PDE4D: variants seen among roughly 807,000 people sequenced by gnomAD.
The protein encoded by PDE4D is phosphodiesterase 4D, also known as 3',5'-cyclic-AMP phosphodiesterase 4D.
In PDE4D, 24 loss-of-function variants were observed where a neutral mutation model predicts 87.4. The ratio of observed to expected loss-of-function variants is 0.27; its 90% confidence interval spans 0.20 to 0.39. The LOEUF (loss-of-function observed/expected upper bound fraction) is 0.39. Ranked by LOEUF, PDE4D falls within the 10% of genes least tolerant of loss-of-function variation. PDE4D has a pLI of 1.00. For synonymous variants in PDE4D, 384 were observed against 383.2 expected (o/e 1.00, Z -0.02); for missense variants, 714 against 1,041.0 (o/e 0.69, Z 4.32).
At chr5:59,752,651 A>C (rs539167738) in intron 1 of PDE4D, among the ~76,000 whole-genome samples, 1 of 152,208 alleles carries the variant, frequency 6.6e-6, no homozygotes, top group Admixed American at 6.5e-5. Context: ...TTTTCACCTC[A>C]TGGTGGAAAT....
At chr5:60,341,628 C>T (rs1758326801) in intron 1 of PDE4D, among the ~76,000 whole-genome samples, 1 of 151,710 alleles carries the variant, frequency 6.6e-6, no homozygotes, top group Non-Finnish European at 1.5e-5. Context: ...ATACTTACTA[C>T]CTTGTTAATA....
intron 1 of PDE4D, among the ~76,000 whole-genome samples, chr5:59,640,374 T>A (rs1240532188): frequency 1.3e-5 from 2 of 152,228 alleles, no homozygotes; most frequent in African/African-American, 2.4e-5. Flanking sequence ...ATTAAGTCAA[T>A]CAATCAATAA....
intron 1 of PDE4D, among the ~76,000 whole-genome samples, chr5:59,669,919 AC>A (rs1430961733): frequency 2.6e-5 from 4 of 152,054 alleles, no homozygotes; most frequent in African/African-American, 9.7e-5. Context: ...ATTTCATTTA[AC>A]CCCTTAATTG....
intron 1 of PDE4D, among the ~76,000 whole-genome samples, chr5:59,742,017 G>C (rs1324772057): frequency 1.3e-5 from 2 of 152,066 alleles, no homozygotes; most frequent in African/African-American, 4.8e-5. Flanking sequence ...TACTGTTGTT[G>C]TTACTGATAT....
intron 1 of PDE4D, among the ~76,000 whole-genome samples, chr5:60,361,571 G>A (rs1266091752): frequency 6.6e-6 from 1 of 152,188 alleles, no homozygotes; most frequent in East Asian, 1.9e-4. Context: ...GCCCTCCCTT[G>A]TGGATGGTTT....
At chr5:59,557,788 A>G (rs1262869060) in intron 1 of PDE4D, among the ~76,000 whole-genome samples, 1 of 152,222 alleles carries the variant, frequency 6.6e-6, no homozygotes, top group African/African-American at 2.4e-5. Flanking sequence ...ATGAATCAGC[A>G]TTCCTATATT....
At chr5:59,987,300 T>C (rs1203116727) in intron 3 of PDE4D, 1 of 152,236 alleles carries the variant, frequency 6.6e-6, no homozygotes, top group Non-Finnish European at 1.5e-5. Context: ...TCTGCTTTAG[T>C]ATGAGTCTGA....
intron 3 of PDE4D, among the ~76,000 whole-genome samples, chr5:59,980,210 C>T (rs549077719): frequency 3.4e-4 from 51 of 152,232 alleles, no homozygotes; most frequent in Admixed American, 1.3e-3. Flanking sequence ...CAGTGATTCA[C>T]AGTTCTGCAT....
At chr5:60,011,414 T>C (rs1285896708) in intron 2 of PDE4D, among the ~76,000 whole-genome samples, 2 of 152,076 alleles carry the variant, frequency 1.3e-5, no homozygotes, top group Admixed American at 6.6e-5. Context: ...GAACAAATAA[T>C]ACTTGGCAAA....
At chr5:59,281,719 TCTC>T (rs369535553) in intron 1 of PDE4D, among the ~76,000 whole-genome samples, 30 of 152,194 alleles carry the variant, frequency 2.0e-4, no homozygotes, top group African/African-American at 7.0e-4. Context: ...AACTTCCTAT[TCTC>T]CTCTTCTCCC....
intron 1 of PDE4D, among the ~76,000 whole-genome samples, chr5:59,703,333 T>C (rs1323615032): frequency 6.6e-6 from 1 of 152,024 alleles, no homozygotes; most frequent in Non-Finnish European, 1.5e-5. Context: ...AAGAAACAGG[T>C]CTTATTTTTA....
intron 5 of PDE4D, among the ~76,000 whole-genome samples, chr5:59,053,647 TTTTTTTTGTTGTTG>T (rs1561396126): frequency 9.3e-6 from 1 of 107,346 alleles, no homozygotes; most frequent in Non-Finnish European, 1.9e-5. Context: ...TGTTTTTTGT[TTTTTTTTGTTGTTG>T]TTTTTTTTTT....
Position 59,162,853 on chromosome 5 carries a change from C to CAA in PDE4D, c.808+17740_808+17741dup, listed in dbSNP as rs368976708. Reference sequence around the variant, plus strand: ...CTGAGCAAAAAGTGAGACCCTGCATCAAAAAAAAAAAAAATTGTAATTAAA... The same window carrying CAA: ...CTGAGCAAAAAGTGAGACCCTGCATCAAAAAAAAAAAAAAAATTGTAATTAAA... On this transcript the variant is annotated intron_variant, in intron 5 of 14. Transcript: ENST00000340635. Among the ~76,000 whole-genome samples the CAA allele has an allele frequency of 2.2e-4, 27 of 121,590 alleles. 2 individuals carry two copies. The highest frequency in any genetic ancestry group is 7.9e-4 in the African/African-American group (25 of 31,544). The allele number at this position is 121,590 out of a possible 152,430, so 79.8% of individuals were successfully genotyped here.
intron 1 of PDE4D, among the ~76,000 whole-genome samples, chr5:59,279,175 T>C (rs1765364540): frequency 6.6e-6 from 1 of 152,146 alleles, no homozygotes; most frequent in Non-Finnish European, 1.5e-5. Flanking sequence ...ATATTATATA[T>C]CAACTAAATA....
intron 6 of PDE4D, among the ~76,000 whole-genome samples, chr5:59,029,980 C>A (rs1308732410): frequency 6.6e-6 from 1 of 152,038 alleles, no homozygotes; most frequent in Non-Finnish European, 1.5e-5. Context: ...TGGATGTCCA[C>A]CTGCAGAAGA....
chr5:59,575,331 AG>A (rs1258629482), intron 1 of PDE4D, among the ~76,000 whole-genome samples: 1 of 152,226 alleles, frequency 6.6e-6, no homozygotes. Flanking sequence ...GGCATAATCA[AG>A]CATCAGAGCC....
At chr5:59,245,776 A>G (rs922505428) in intron 1 of PDE4D, among the ~76,000 whole-genome samples, 14 of 152,048 alleles carry the variant, frequency 9.2e-5, no homozygotes, top group African/African-American at 3.4e-4. Flanking sequence ...AAATGTAGAC[A>G]ATATTATACC....
chr5:58,994,939 A>G (rs931865648), intron 6 of PDE4D, among the ~76,000 whole-genome samples: 2 of 118,980 alleles, frequency 1.7e-5, no homozygotes, highest in Non-Finnish European at 3.3e-5. Flanking sequence ...ACAAGCCCCA[A>G]TGTGTGATGT....
intron 1 of PDE4D, among the ~76,000 whole-genome samples, chr5:59,648,605 A>G (rs1351908985): frequency 6.6e-6 from 1 of 152,180 alleles, no homozygotes; most frequent in Non-Finnish European, 1.5e-5. Context: ...ACTGACAGCA[A>G]GCTTCTTGTG....
Sources: allele counts gnomAD v4.1 joint callset (sites outside exome capture counted in the v4.1 genomes callset), GRCh38; gene constraint gnomAD v4.1.1; transcripts MANE v1.5; gene names NCBI Gene and HGNC (gene_info 2026-07-23, HGNC 2026-07-21).